MOCOS: variants seen among roughly 807,000 people sequenced by gnomAD.
MOCOS encodes human molybdenum cofactor sulfurase.
A neutral mutation model predicts 83.6 loss-of-function variants in MOCOS; 86 were observed. The observed-to-expected ratio is 1.03, with a 90% confidence interval of 0.86 to 1.23. MOCOS has a LOEUF of 1.23. Among genes scored for constraint, MOCOS ranks in the 50% most tolerant of loss-of-function variants. The pLI is 0.00. For missense variants in MOCOS, 1,120 were observed against 1,126.9 expected (o/e 0.99, Z 0.09); for synonymous variants, 445 against 434.7 (o/e 1.02, Z -0.29).
chr18:36,209,711 TA>T (rs1200666804), intron 6 of MOCOS, among the ~76,000 whole-genome samples: 1 of 152,246 alleles, frequency 6.6e-6, no homozygotes, highest in Admixed American at 6.5e-5. Context: ...GTTGTGTATA[TA>T]CCACATTTTC....
chr18:36,263,159 C>T (rs1466909662), intron 13 of MOCOS, among the ~76,000 whole-genome samples: 14 of 152,220 alleles, frequency 9.2e-5, no homozygotes, highest in South Asian at 4.2e-4. Context: ...TACTCAGTGC[C>T]GAAGCAATTA....
intron 9 of MOCOS, among the ~76,000 whole-genome samples, chr18:36,225,791 A>T (rs2091513032): frequency 6.6e-6 from 1 of 151,930 alleles, no homozygotes; most frequent in Non-Finnish European, 1.5e-5. Context: ...TTCTTCTTTG[A>T]TCAAATGGTC....
intron 5 of MOCOS, among the ~76,000 whole-genome samples, chr18:36,204,790 C>A (rs1366295601): frequency 1.3e-5 from 2 of 151,612 alleles, no homozygotes; most frequent in Non-Finnish European, 2.9e-5. Context: ...CCCAGGAGCT[C>A]AAGACAAGCC....
intron 1 of MOCOS, among the ~76,000 whole-genome samples, chr18:36,189,315 T>C (rs925477941): frequency 6.6e-6 from 1 of 152,190 alleles, no homozygotes; most frequent in African/African-American, 2.4e-5. Context: ...GGGCATCTTT[T>C]ATTTAATGCA....
chr18:36,195,147 C>G lies in MOCOS; in HGVS notation c.143-110C>G, dbSNP rs1460957238. On this transcript the variant is annotated intron_variant, in intron 1 of 14. Transcript: ENST00000261326. Reference sequence around the variant, plus strand: ...GGATTAAGAGGCACATATCAAGAGGCACAAGTCAGTGGCCTGATGTTACGT... The same window carrying G: ...GGATTAAGAGGCACATATCAAGAGGGACAAGTCAGTGGCCTGATGTTACGT... 58 of 890,816 alleles carry G rather than the reference C, an allele frequency of 6.5e-5. No individual in the cohort carries two copies. In the South Asian group the frequency reaches 7.2e-4, roughly 11 times the overall value. 55.2% of individuals were successfully genotyped at this position (890,816 alleles called of 1,614,324 possible). A position where few individuals can be genotyped will look rare whatever the true frequency, so the allele number is the denominator to read the frequency against.
chr18:36,213,944 A>G (rs1332606180), intron 7 of MOCOS, among the ~76,000 whole-genome samples: 4 of 131,892 alleles, frequency 3.0e-5, no homozygotes, highest in Non-Finnish European at 4.9e-5. Flanking sequence ...CCAACCAAAG[A>G]AAAAAAAAAA....
At chr18:36,213,890 T>C (rs1224271768) in intron 7 of MOCOS, among the ~76,000 whole-genome samples, 2 of 149,748 alleles carry the variant, frequency 1.3e-5, no homozygotes, top group African/African-American at 4.9e-5. Flanking sequence ...GATCGCACCA[T>C]TGCACTCCAG....
intron 8 of MOCOS, among the ~76,000 whole-genome samples, chr18:36,218,773 A>C (rs4799412): frequency 0.1 from 15,602 of 151,282 alleles, 913 homozygotes; most frequent in Non-Finnish European, 0.13. Context: ...CCCTGCCTCA[A>C]CCTCCCAAAG....
chr18:36,208,319 T>TCTAA (rs1408490913), intron 6 of MOCOS, among the ~76,000 whole-genome samples: 38 of 152,172 alleles, frequency 2.5e-4, no homozygotes, highest in African/African-American at 6.8e-4. Context: ...TAGTTTTTTT[T>TCTAA]TCTAATTCCA....
rs553046400 is a variant in MOCOS, at chr18:36,235,118, A to G, written c.1961-13804A>G. 2.0e-5 allele frequency among the ~76,000 whole-genome samples: 3 copies of G among 151,826 alleles called. No homozygotes were observed. The South Asian group carries it at 6.3e-4, about 32-fold the overall frequency. On this transcript the variant is annotated intron_variant, in intron 9 of 14. Coordinates refer to ENST00000261326, the MANE Select transcript of MOCOS (RefSeq NM_017947.4). ...ATCATGCCTTCTCAACAGTACCCCAAAATCAATTTTTTTAAATTTTTTTAT... is the reference window on the plus strand; with the variant it reads ...ATCATGCCTTCTCAACAGTACCCCAGAATCAATTTTTTTAAATTTTTTTAT...
intron 9 of MOCOS, among the ~76,000 whole-genome samples, chr18:36,233,331 G>C (rs1403076158): frequency 6.6e-6 from 1 of 152,240 alleles, no homozygotes; most frequent in East Asian, 1.9e-4. Context: ...ACTCTATCCA[G>C]ATTGTTGCAA....
Position 36,269,153 on chromosome 18 carries a change from T to A in MOCOS, c.*468T>A, listed in dbSNP as rs1304087485. ...AGGTGCTCCTCTCCTCCCATGTACA[T>A]GATGGTGTGGGTTTATGCTCAGGGG... On this transcript the variant is annotated 3_prime_UTR_variant, in exon 15 of 15. Transcript: ENST00000261326. 5.5e-6 allele frequency: 1 copy of A among 181,842 alleles called. No individual in the cohort carries two copies. Among genetic ancestry groups the A allele is most frequent in the Non-Finnish European group, 1.2e-5 (1 of 86,054 alleles). 11.3% of individuals were successfully genotyped at this position (181,842 alleles called of 1,614,324 possible). A position where few individuals can be genotyped will look rare whatever the true frequency, so the allele number is the denominator to read the frequency against.
At chr18:36,201,561 T>C (rs187684171) in intron 4 of MOCOS, among the ~76,000 whole-genome samples, 2 of 145,764 alleles carry the variant, frequency 1.4e-5, no homozygotes, top group Admixed American at 7.4e-5. Flanking sequence ...GCTCAAGAGA[T>C]TGAGGCAGGA....
intron 6 of MOCOS, among the ~76,000 whole-genome samples, chr18:36,210,316 T>C (rs979608089): frequency 3.3e-5 from 5 of 152,090 alleles, no homozygotes; most frequent in African/African-American, 9.7e-5. Context: ...TCCTCACTGG[T>C]GTTCAGGGCA....
chr18:36,193,658 T>A (rs1359511658), intron 1 of MOCOS, among the ~76,000 whole-genome samples: 1 of 152,108 alleles, frequency 6.6e-6, no homozygotes, highest in East Asian at 1.9e-4. Context: ...TAAGCATAAA[T>A]CACTAGGACC....
chr18:36,214,452 T>A (rs1006449606), intron 7 of MOCOS, among the ~76,000 whole-genome samples: 1 of 151,844 alleles, frequency 6.6e-6, no homozygotes, highest in Non-Finnish European at 1.5e-5. Flanking sequence ...GACATCTGGG[T>A]TGGGTGCGGT....
intron 8 of MOCOS, among the ~76,000 whole-genome samples, chr18:36,217,416 CT>C (rs1049025092): frequency 3.3e-5 from 5 of 151,798 alleles, no homozygotes; most frequent in African/African-American, 1.2e-4. Context: ...AATAATGTTA[CT>C]TTTTTTTGCA....
At chr18:36,219,274 G>A (rs931263404) in intron 8 of MOCOS, among the ~76,000 whole-genome samples, 1 of 151,568 alleles carries the variant, frequency 6.6e-6, no homozygotes, top group South Asian at 2.1e-4. Flanking sequence ...TGCAACCTCC[G>A]CTTCCTAGGT....
intron 8 of MOCOS, among the ~76,000 whole-genome samples, chr18:36,219,112 C>A (rs1485917715): frequency 6.6e-6 from 1 of 151,178 alleles, no homozygotes; most frequent in East Asian, 2.0e-4. Flanking sequence ...CGTGATCTGC[C>A]CGCCTCAGTC....
Sources: gnomAD v4.1 joint callset for allele counts (sites outside exome capture counted in the v4.1 genomes callset) on GRCh38, gnomAD v4.1.1 for gene constraint, MANE v1.5 for transcripts, NCBI Gene and HGNC (gene_info 2026-07-23, HGNC 2026-07-21) for gene names.